The following SNAPC2 variants were observed in gnomAD, a reference collection of about 807,000 sequenced individuals.
SNAPC2 encodes small nuclear RNA activating complex polypeptide 2.
Under a neutral mutation model 22.9 loss-of-function variants are expected in SNAPC2, and 27 were observed. The ratio of observed to expected loss-of-function variants is 1.18; its 90% CI spans 0.87 to 1.63. The LOEUF is 1.63. Among genes scored for constraint, SNAPC2 ranks in the 40% most tolerant of loss-of-function variants. SNAPC2 has a pLI of 0.00. For missense variants in SNAPC2, 570 were observed against 449.1 expected, an observed-to-expected ratio of 1.27 and a Z score of -2.43; for synonymous variants, 272 against 201.0, an observed-to-expected ratio of 1.35 and a Z score of -2.99.
chr19:7,922,241 G>C lies in SNAPC2; in HGVS notation c.579G>C (p.Ser193=). 2 of 1,614,028 alleles carry C rather than the reference G, an allele frequency of 1.2e-6. No homozygotes were observed. Among genetic ancestry groups the C allele is most frequent in the South Asian group, 1.1e-5 (1 of 91,080 alleles). Residue 193 remains serine, a synonymous_variant, in exon 4 of 5, where the codon TCG becomes TCC. Transcript: ENST00000221573. ...DPAPEKPSES[S]AGPSTEEDFA... The stretch of plus-strand genomic sequence containing the variant: ...CCCCTGAGAAACCTTCTGAGTCGTC[G>C]GCTGGTCCCTCCACTGAAGAAGACT...
Position 7,920,350 on chromosome 19 carries a change from G to T in SNAPC2, c.-17G>T, listed in dbSNP as rs760156694. The T allele has an allele frequency of 2.6e-6, 4 of 1,559,940 alleles. No individual in the cohort carries two copies. The highest frequency in any genetic ancestry group is 3.6e-5 in the Admixed American group (2 of 55,200). ...TCGGAGAAGCGACCTTACAGCGCCT[G>T]CCTCTTTCTGAGCGGCATGAAGCCA... On this transcript the variant is annotated 5_prime_UTR_variant, in exon 1 of 5. Coordinates refer to ENST00000221573, the MANE Select transcript of SNAPC2 (RefSeq NM_003083.4).
chr19:7,922,028 C>G lies in SNAPC2; in HGVS notation c.373-7C>G, dbSNP rs1166829832. On this transcript the variant is annotated splice_polypyrimidine_tract_variant and splice_region_variant and intron_variant, in intron 3 of 4. Transcript: ENST00000221573. ...TCCTCTTCCTCCCTGATTGTTCTGC[C>G]TGCCAGGTGCTCACCATCGCGGCCA... The G allele has an allele frequency of 1.2e-6, 2 of 1,601,380 alleles. No homozygotes were observed. The highest frequency in any genetic ancestry group is 1.3e-5 in the African/African-American group (1 of 74,512).
rs928799051 is a variant in SNAPC2 at position 7,922,850 on chromosome 19, C to T, written c.*86C>T. 9.3e-6 allele frequency: 10 copies of T among 1,080,064 alleles called. No individual in the cohort carries two copies. Among genetic ancestry groups the T allele is most frequent in the African/African-American group, 3.1e-5 (2 of 63,514 alleles). 66.9% of individuals were successfully genotyped at this position (1,080,064 alleles called of 1,614,324 possible). On this transcript the variant is annotated 3_prime_UTR_variant, in exon 5 of 5. Transcript: ENST00000221573. ...CTGGCCCTGGCTCTTTCTGAGGATC[C>T]CGTCATGGGGGAAGGTCCTTGAGAT...
In SNAPC2 at chr19:7,920,435, C is replaced by T; in HGVS notation, c.69C>T (p.Thr23=). 2 of 1,571,176 alleles carry T rather than the reference C, an allele frequency of 1.3e-6. No homozygotes were observed. The highest frequency in any genetic ancestry group is 2.3e-5 in the South Asian group (2 of 87,896). The change falls in exon 1 of 5, where the codon ACC becomes ACT. Residue 23 remains threonine (T), a synonymous_variant. Coordinates refer to ENST00000221573, the MANE Select transcript of SNAPC2 (RefSeq NM_003083.4). The stretch of plus-strand genomic sequence containing the variant: ...TGGGCGAGGTGACCGGTCCCGCGAC[C>T]TGGAGCGCTCGCGAGAAGCGGCAGC... ...RYLGEVTGPA[T]WSAREKRQLV... is the part of the protein sequence containing the mutation.
In SNAPC2 at chr19:7,923,004, C is replaced by T; in HGVS notation, c.*240C>T. On this transcript the variant is annotated 3_prime_UTR_variant, in exon 5 of 5. Transcript: ENST00000221573. ...CTCACAAGCCTCCTGATGTCAAGGACAGGCGGACAGGGCTGGCCTCCCCCA... is the reference window on the plus strand; with the variant it reads ...CTCACAAGCCTCCTGATGTCAAGGATAGGCGGACAGGGCTGGCCTCCCCCA... 2.1e-6 allele frequency: 1 copy of T among 482,120 alleles called. No individual in the cohort carries two copies. The highest frequency in any genetic ancestry group is 3.7e-6 in the Non-Finnish European group (1 of 273,048). 29.9% of individuals were successfully genotyped at this position (482,120 alleles called of 1,614,324 possible).
At position 7,921,753 on chromosome 19, in the gene SNAPC2, C is replaced by A. The variant is rs475002; in HGVS notation, c.352C>A (p.Leu118Met). 1.9e-6 allele frequency: 3 copies of A among 1,612,680 alleles called. No individual in the cohort carries two copies. The highest frequency in any genetic ancestry group is 1.1e-5 in the South Asian group (1 of 90,920). ...GATAACAGGGCCACTGGAAGAAGCC[C>A]TGGCAGTGGCTTTCTCGCAGGTACC... ...EKITGPLEEA[L>M]AVAFSQVLTI... Residue 118 changes from leucine to methionine, a missense_variant, in exon 3 of 5, where the codon CTG becomes ATG. Coordinates refer to ENST00000221573, the MANE Select transcript of SNAPC2 (RefSeq NM_003083.4).
At chr19:7,920,592 G>A in intron 1 of SNAPC2, 43 bp downstream of exon 1, 1 of 1,102,308 alleles carries the variant, frequency 9.1e-7, no homozygotes. Flanking sequence ...TGGAGGCGGG[G>A]CTGGGGTGGG....
Position 7,922,844 on chromosome 19 carries a change from A to G in SNAPC2, c.*80A>G. On this transcript the variant is annotated 3_prime_UTR_variant, in exon 5 of 5. Coordinates refer to ENST00000221573, the MANE Select transcript of SNAPC2 (RefSeq NM_003083.4). ...GCTCGGCTGGCCCTGGCTCTTTCTGAGGATCCCGTCATGGGGGAAGGTCCT... is the reference window on the plus strand; with the variant it reads ...GCTCGGCTGGCCCTGGCTCTTTCTGGGGATCCCGTCATGGGGGAAGGTCCT... 8.7e-7 allele frequency: 1 copy of G among 1,155,808 alleles called. No homozygotes were observed. The highest frequency in any genetic ancestry group is 1.2e-6 in the Non-Finnish European group (1 of 818,742). 71.6% of individuals were successfully genotyped at this position (1,155,808 alleles called of 1,614,324 possible).
intron 3 of SNAPC2, 71 bp downstream of exon 3, chr19:7,921,844 C>T: frequency 3.3e-6 from 5 of 1,522,252 alleles, no homozygotes; most frequent in Non-Finnish European, 4.5e-6. Context: ...TCATGTGAAC[C>T]TGGGTCCTGG....
In SNAPC2 at chr19:7,921,691, C is replaced by T. The variant is rs758027455; in HGVS notation, c.304-14C>T. ...TGATCCCTGGGCTGACCCTGTACCTCTGGCTTCACTCAGGTCTGGACGGAT... is the reference window on the plus strand; with the variant it reads ...TGATCCCTGGGCTGACCCTGTACCTTTGGCTTCACTCAGGTCTGGACGGAT... On this transcript the variant is annotated splice_polypyrimidine_tract_variant and intron_variant, in intron 2 of 4. Coordinates refer to ENST00000221573, the MANE Select transcript of SNAPC2 (RefSeq NM_003083.4). 2.5e-5 allele frequency: 40 copies of T among 1,613,290 alleles called. No homozygotes were observed. The highest frequency in any genetic ancestry group is 3.3e-4 in the Middle Eastern group (2 of 6,078).
chr19:7,921,073 T>G, intron 1 of SNAPC2: 6 of 1,167,458 alleles, frequency 5.1e-6, no homozygotes, highest in Non-Finnish European at 5.3e-6. Flanking sequence ...TGCTGCCGAG[T>G]CCGGGCGAAA....
chr19:7,923,039 C>T lies in SNAPC2; in HGVS notation c.*275C>T, dbSNP rs2145164198. 4.7e-6 allele frequency: 2 copies of T among 423,402 alleles called. No individual in the cohort carries two copies. The highest frequency in any genetic ancestry group is 4.2e-6 in the Non-Finnish European group (1 of 237,490). The allele number at this position is 423,402 out of a possible 1,614,324, so 26.2% of individuals were successfully genotyped here. On this transcript the variant is annotated 3_prime_UTR_variant, in exon 5 of 5. Coordinates refer to ENST00000221573, the MANE Select transcript of SNAPC2 (RefSeq NM_003083.4). The stretch of plus-strand genomic sequence containing the variant: ...GGGCTGGCCTCCCCCAGTCCCCAAG[C>T]CCCACTGTGCCTTGTTGTCTGCTGG...
chr19:7,920,723 G>A, intron 1 of SNAPC2, 174 bp downstream of exon 1: 1 of 512,214 alleles, frequency 2.0e-6, no homozygotes, highest in South Asian at 3.1e-5. Flanking sequence ...GCGGGGTGAG[G>A]GGCGGGGCGT....
At chr19:7,921,401 C>A in intron 1 of SNAPC2, 22 bp from the exon 2 acceptor site, 1 of 1,613,732 alleles carries the variant, frequency 6.2e-7, no homozygotes. Flanking sequence ...AAGCCTCATT[C>A]CGCCGCCTCT....
rs1435124116 is a variant in SNAPC2 at position 7,921,793 on chromosome 19, C to A, written c.372+20C>A. Reference sequence around the variant, plus strand: ...TCGCAGGTACCGCCATTCCCCCAGGCAGGTCAGGGTGTCCCAGAGGACAGG... The same window carrying A: ...TCGCAGGTACCGCCATTCCCCCAGGAAGGTCAGGGTGTCCCAGAGGACAGG... On this transcript the variant is annotated intron_variant, in intron 3 of 4. Transcript: ENST00000221573. 1.2e-6 allele frequency: 2 copies of A among 1,609,206 alleles called. No homozygotes were observed. Among genetic ancestry groups the A allele is most frequent in the Non-Finnish European group, 1.7e-6 (2 of 1,177,038 alleles).
At chr19:7,920,631 G>T in intron 1 of SNAPC2, 82 bp downstream of exon 1, 1 of 713,866 alleles carries the variant, frequency 1.4e-6, no homozygotes, top group Non-Finnish European at 2.0e-6. Flanking sequence ...TGCGGCAGGA[G>T]CCAGCGGGGC....
rs768851793 is a variant in SNAPC2 at position 7,922,611 on chromosome 19, T to C, written c.852T>C (p.Ala284=). 1 of 1,613,520 alleles carries C rather than the reference T, an allele frequency of 6.2e-7. No homozygotes were observed. Among genetic ancestry groups the C allele is most frequent in the Admixed American group, 1.7e-5 (1 of 60,008 alleles). The stretch of plus-strand genomic sequence containing the variant: ...GGCCTGCAGCAGAAGGGGATGGGGC[T>C]GGCTCCAAGGCACCAGAGGAGACCC... ...SLGPAAEGDG[A]GSKAPEETPP... Residue 284 remains alanine (A), a synonymous_variant, in exon 5 of 5, where the codon GCT becomes GCC. Transcript: ENST00000221573.
intron 1 of SNAPC2, 198 bp from the exon 2 acceptor site, chr19:7,921,225 C>T (rs1599640186): frequency 7.1e-7 from 1 of 1,414,026 alleles, no homozygotes; most frequent in Non-Finnish European, 9.3e-7. Context: ...TGGCCTGGGC[C>T]TTACAACTTC....
chr19:7,922,325 C>T lies in SNAPC2; in HGVS notation c.663C>T (p.Arg221=), dbSNP rs776679161. The T allele has an allele frequency of 1.9e-6, 3 of 1,613,498 alleles. No individual in the cohort carries two copies. The African/African-American group carries it at 4.0e-5, about 22-fold the overall frequency. The change falls in exon 4 of 5, where the codon CGC becomes CGT. Residue 221 remains arginine, a synonymous_variant. Coordinates refer to ENST00000221573, the MANE Select transcript of SNAPC2 (RefSeq NM_003083.4). ...TGTCCTCTGTCTCCCGAAGTGGCCG[C>T]AGCCCCGAGCTCTCAGCAGCTGGTG... is the stretch of plus-strand genomic sequence containing the variant. ...KYLSSVSRSG[R]SPELSAAESA...
Sources: gnomAD v4.1 joint callset for allele counts on GRCh38, gnomAD v4.1.1 for gene constraint, MANE v1.5 for transcripts, NCBI Gene and HGNC (gene_info 2026-07-23, HGNC 2026-07-21) for gene names.